TACR3: variants seen among roughly 807,000 people sequenced by gnomAD.
The protein encoded by TACR3 is neuromedin-K receptor.
Under a neutral mutation model 35.0 loss-of-function variants are expected in TACR3, and 34 were observed. The ratio of observed to expected loss-of-function variants is 0.97; its 90% CI spans 0.74 to 1.30. The LOEUF (loss-of-function observed/expected upper bound fraction) is 1.30, where lower values mean the gene tolerates loss of function less well. Ranked by LOEUF, TACR3 falls within the 50% of genes most tolerant of loss-of-function variation. TACR3 has a pLI of 0.00. For synonymous variants in TACR3, 233 were observed against 221.1 expected, an observed-to-expected ratio of 1.05 and a Z score of -0.48; for missense variants, 558 against 591.7, an observed-to-expected ratio of 0.94 and a Z score of 0.59.
chr4:103,603,825 C>T (rs1264234088), intron 3 of TACR3, among the ~76,000 whole-genome samples: 1 of 152,134 alleles, frequency 6.6e-6, no homozygotes, highest in Non-Finnish European at 1.5e-5. Context: ...CACATCCTCT[C>T]CAGCAACTGT....
At chr4:103,641,270 A>T (rs78822900) in intron 3 of TACR3, among the ~76,000 whole-genome samples, 2,239 of 151,842 alleles carry the variant, frequency 0.015, 58 homozygotes, top group African/African-American at 0.052. Flanking sequence ...GGTGTTTTTT[A>T]AAAAAATTCC....
chr4:103,702,403 A>C (rs1403807944), intron 1 of TACR3, among the ~76,000 whole-genome samples: 2 of 152,158 alleles, frequency 1.3e-5, no homozygotes, highest in Non-Finnish European at 2.9e-5. Flanking sequence ...AGGAAACAAC[A>C]GGTGCTGGAG....
intron 3 of TACR3, among the ~76,000 whole-genome samples, chr4:103,618,787 G>T (rs879709650): frequency 3.3e-5 from 5 of 151,844 alleles, no homozygotes; most frequent in Non-Finnish European, 7.4e-5. Flanking sequence ...GTGTTTTGTA[G>T]TTCTCCTTGT....
intron 1 of TACR3, among the ~76,000 whole-genome samples, chr4:103,711,956 CAAG>C (rs1288690504): frequency 3.9e-5 from 6 of 152,122 alleles, no homozygotes; most frequent in Non-Finnish European, 1.5e-5. Flanking sequence ...AGGACCTCTT[CAAG>C]AAGAACTACA....
intron 1 of TACR3, among the ~76,000 whole-genome samples, chr4:103,660,416 T>C (rs917104745): frequency 2.0e-5 from 3 of 152,024 alleles, no homozygotes; most frequent in African/African-American, 4.8e-5. Flanking sequence ...GTTTTAATAA[T>C]GCAAGATAAA....
chr4:103,697,597 T>G (rs1457055866), intron 1 of TACR3, among the ~76,000 whole-genome samples: 3 of 151,888 alleles, frequency 2.0e-5, no homozygotes, highest in African/African-American at 7.3e-5. Flanking sequence ...GCTAATTTTT[T>G]GTATTTTTAG....
chr4:103,648,080 G>C (rs147720353), intron 3 of TACR3, among the ~76,000 whole-genome samples: 11 of 151,994 alleles, frequency 7.2e-5, no homozygotes, highest in Admixed American at 2.6e-4. Flanking sequence ...TCTTCTGCTC[G>C]TGACTAGCCT....
At chr4:103,703,312 C>A (rs1375568975) in intron 1 of TACR3, among the ~76,000 whole-genome samples, 1 of 152,068 alleles carries the variant, frequency 6.6e-6, no homozygotes, top group African/African-American at 2.4e-5. Flanking sequence ...CACTATTGTA[C>A]AACCATACCA....
At chr4:103,656,910 C>T (rs918169990) in intron 2 of TACR3, among the ~76,000 whole-genome samples, 1 of 151,794 alleles carries the variant, frequency 6.6e-6, no homozygotes, top group African/African-American at 2.4e-5. Context: ...TGCAATTTTC[C>T]AGTCTGGGTC....
intron 1 of TACR3, among the ~76,000 whole-genome samples, chr4:103,687,145 C>T (rs1313954763): frequency 2.0e-5 from 3 of 151,978 alleles, no homozygotes; most frequent in African/African-American, 7.3e-5. Context: ...AAGACAAAAA[C>T]CACATGATTA....
intron 1 of TACR3, among the ~76,000 whole-genome samples, chr4:103,671,432 A>G (rs746277381): frequency 3.3e-5 from 5 of 151,868 alleles, no homozygotes; most frequent in Non-Finnish European, 7.4e-5. Flanking sequence ...CTCTTCTTTG[A>G]TGGGAGAGTT....
At chr4:103,666,206 C>A (rs531855965) in intron 1 of TACR3, among the ~76,000 whole-genome samples, 1 of 152,166 alleles carries the variant, frequency 6.6e-6, no homozygotes, top group African/African-American at 2.4e-5. Context: ...AATTAGACCT[C>A]GTCTTGGTTA....
At chr4:103,591,030 C>A (rs750681738) in intron 4 of TACR3, among the ~76,000 whole-genome samples, 4 of 152,142 alleles carry the variant, frequency 2.6e-5, no homozygotes, top group Non-Finnish European at 4.4e-5. Flanking sequence ...CCTTCTACTT[C>A]AAAGTTTATT....
intron 3 of TACR3, among the ~76,000 whole-genome samples, chr4:103,601,811 G>A (rs11097819): frequency 0.5 from 76,453 of 152,056 alleles, 22,931 homozygotes; most frequent in Non-Finnish European, 0.64. Context: ...CTCTGGCTGC[G>A]CTTAACATTT....
At position 103,586,987 on chromosome 4, in the gene TACR3, G is replaced by T. The variant is rs1179750182; in HGVS notation, c.*2695C>A. Reference sequence around the variant, plus strand: ...TTGAATTTTTCTGATACTGATCTAAGTAAAAAAACCTGGGCTGTTTTAACC... The same window carrying T: ...TTGAATTTTTCTGATACTGATCTAATTAAAAAAACCTGGGCTGTTTTAACC... On this transcript the variant is annotated 3_prime_UTR_variant, in exon 5 of 5. Coordinates refer to ENST00000304883, the MANE Select transcript of TACR3 (RefSeq NM_001059.3). 2 of 151,896 alleles carry T rather than the reference G, an allele frequency of 1.3e-5. No individual in the cohort carries two copies. Among genetic ancestry groups the T allele is most frequent in the Non-Finnish European group, 2.9e-5 (2 of 67,964 alleles). The allele number at this position is 151,896 out of a possible 1,614,324, so 9.4% of individuals were successfully genotyped here.
chr4:103,648,344 A>G (rs1337865923), intron 3 of TACR3, among the ~76,000 whole-genome samples: 1 of 152,024 alleles, frequency 6.6e-6, no homozygotes, highest in Non-Finnish European at 1.5e-5. Context: ...TGTTGACGGT[A>G]GTCATTCTGT....
chr4:103,642,058 A>C (rs1302243332), intron 3 of TACR3, among the ~76,000 whole-genome samples: 1 of 151,922 alleles, frequency 6.6e-6, no homozygotes, highest in Non-Finnish European at 1.5e-5. Flanking sequence ...ACTGAACAGC[A>C]TGATGACTAT....
chr4:103,691,670 A>T (rs1722403971), intron 1 of TACR3, among the ~76,000 whole-genome samples: 1 of 152,148 alleles, frequency 6.6e-6, no homozygotes, highest in East Asian at 1.9e-4. Context: ...TAATGGCCCT[A>T]ATGCCCAAGC....
At chr4:103,707,497 A>T (rs977896484) in intron 1 of TACR3, among the ~76,000 whole-genome samples, 13 of 152,236 alleles carry the variant, frequency 8.5e-5, no homozygotes, top group African/African-American at 3.1e-4. Context: ...TGTGTCTATA[A>T]TTCAGAAGAA....
Sources: gnomAD v4.1 joint callset for allele counts (sites outside exome capture counted in the v4.1 genomes callset) on GRCh38, gnomAD v4.1.1 for gene constraint, MANE v1.5 for transcripts, NCBI Gene and HGNC (gene_info 2026-07-23, HGNC 2026-07-21) for gene names.